Variants in MNAT1 observed in about 807,000 individuals in gnomAD.
The protein encoded by MNAT1 is CDK-activating kinase assembly factor MAT1.
A neutral mutation model predicts 42.0 loss-of-function variants in MNAT1; 43 were observed. That is an observed-to-expected ratio of 1.02 (90% CI 0.80 to 1.32). The LOEUF is 1.32. Ranked by LOEUF, MNAT1 falls within the 40% of genes most tolerant of loss-of-function variation. The pLI is 0.00. For synonymous variants in MNAT1, 118 were observed against 120.0 expected (o/e 0.98, Z 0.11); for missense variants, 306 against 350.4 (o/e 0.87, Z 1.01).
chr14:60,798,095 A>G lies in MNAT1; in HGVS notation c.251A>G (p.Lys84Arg). ...TTTTTCTTTTCTTAAAGATACAATA[A>G]AAGGGAAGAAGATTTTCCTAGTCTA... ...IRKKVLKIYN[K>R]REEDFPSLRE... Residue 84 changes from lysine to arginine, a missense_variant, in exon 3 of 8, where the codon AAA becomes AGA. By Grantham distance (26) the Lys-to-Arg change is conservative. Around this residue, in one of 3 missense-constraint regions of MNAT1, gnomAD observed 72 missense variants for 111.0 expected, o/e 0.65. Transcript: ENST00000261245. 1.4e-6 allele frequency: 2 copies of G among 1,417,890 alleles called. No individual in the cohort carries two copies. The highest frequency in any genetic ancestry group is 2.3e-5 in the South Asian group (2 of 85,468). 87.8% of individuals were successfully genotyped at this position (1,417,890 alleles called of 1,614,324 possible).
intron 6 of MNAT1, among the ~76,000 whole-genome samples, chr14:60,822,987 G>A (rs1268141197): frequency 2.0e-5 from 3 of 152,112 alleles, no homozygotes; most frequent in Non-Finnish European, 2.9e-5. Flanking sequence ...GAACTCCTGA[G>A]CTCAAGCCAC....
intron 5 of MNAT1, among the ~76,000 whole-genome samples, chr14:60,818,218 T>G (rs2032774422): frequency 6.6e-6 from 1 of 152,050 alleles, no homozygotes; most frequent in Admixed American, 6.5e-5. Context: ...ACTTAAATTT[T>G]AAAAGTAAGT....
Position 60,968,365 on chromosome 14 carries a change from G to C in MNAT1, c.*16G>C. ...GCCCAGTTAACCATTTATAAGATTT[G>C]GACCTTGGAGCTGAACCAGGGAGCT... is the stretch of plus-strand genomic sequence containing the variant. On this transcript the variant is annotated 3_prime_UTR_variant, in exon 8 of 8. Coordinates refer to ENST00000261245, the MANE Select transcript of MNAT1 (RefSeq NM_002431.4). 6.2e-7 allele frequency: 1 copy of C among 1,605,270 alleles called. No homozygotes were observed. The highest frequency in any genetic ancestry group is 8.5e-7 in the Non-Finnish European group (1 of 1,177,324).
rs1438588804 is a variant in MNAT1 at position 60,794,652 on chromosome 14, A to ATAT, written c.90-1565_90-1564insTAT. Among the ~76,000 whole-genome samples the ATAT allele has an allele frequency of 6.2e-5, 6 of 97,216 alleles. No homozygotes were observed. The South Asian group carries it at 1.6e-3, about 26-fold the overall frequency. The allele number at this position is 97,216 out of a possible 152,430, so 63.8% of individuals were successfully genotyped here. A position where few individuals can be genotyped will look rare whatever the true frequency, so the allele number is the denominator to read the frequency against. On this transcript the variant is annotated intron_variant, in intron 1 of 7. Coordinates refer to ENST00000261245, the MANE Select transcript of MNAT1 (RefSeq NM_002431.4). ...CTGCATTCTCAAAAAAAAAAAAAAAAAAAAAAAAATATATATATATATATA... is the reference window on the plus strand; with the variant it reads ...CTGCATTCTCAAAAAAAAAAAAAAAATATAAAAAAAAATATATATATATATATA...
chr14:60,865,541 T>C (rs1377782972), intron 6 of MNAT1, among the ~76,000 whole-genome samples: 3 of 152,118 alleles, frequency 2.0e-5, no homozygotes, highest in African/African-American at 7.2e-5. Context: ...TGTTTTTCTT[T>C]TCTGATCTTT....
At chr14:60,918,826 A>C (rs2035590407) in intron 7 of MNAT1, among the ~76,000 whole-genome samples, 1 of 151,062 alleles carries the variant, frequency 6.6e-6, no homozygotes, top group African/African-American at 2.4e-5. Flanking sequence ...GAAGTGATGA[A>C]AATGTTCTGA....
At chr14:60,923,376 C>A (rs1468090067) in intron 7 of MNAT1, among the ~76,000 whole-genome samples, 1 of 152,104 alleles carries the variant, frequency 6.6e-6, no homozygotes, top group East Asian at 1.9e-4. Context: ...TCGTTAATAG[C>A]CTTCTAGACC....
intron 1 of MNAT1, among the ~76,000 whole-genome samples, chr14:60,756,049 C>T (rs1377965505): frequency 2.0e-5 from 3 of 152,168 alleles, no homozygotes; most frequent in East Asian, 1.9e-4. Context: ...GCTTCTGAAA[C>T]GTAAATACTT....
chr14:60,862,526 A>C (rs1406584829), intron 6 of MNAT1, among the ~76,000 whole-genome samples: 2 of 152,332 alleles, frequency 1.3e-5, no homozygotes, highest in East Asian at 3.9e-4. Flanking sequence ...GAACAGGTTC[A>C]ACTTGTCCGT....
intron 7 of MNAT1, among the ~76,000 whole-genome samples, chr14:60,885,070 C>G (rs2034633744): frequency 6.6e-6 from 1 of 151,764 alleles, no homozygotes; most frequent in Non-Finnish European, 1.5e-5. Flanking sequence ...GACCTCCATT[C>G]TATGTTATTT....
intron 7 of MNAT1, among the ~76,000 whole-genome samples, chr14:60,908,596 G>A (rs948262098): frequency 2.0e-5 from 3 of 151,936 alleles, no homozygotes; most frequent in Non-Finnish European, 4.4e-5. Flanking sequence ...CCTTGCGATA[G>A]TTTGCTGAGA....
intron 6 of MNAT1, among the ~76,000 whole-genome samples, chr14:60,874,990 G>GT (rs571023857): frequency 3.9e-4 from 60 of 152,168 alleles, no homozygotes; most frequent in Middle Eastern, 3.4e-3. Flanking sequence ...TATCTCATGA[G>GT]TTTTTTCCGA....
intron 6 of MNAT1, among the ~76,000 whole-genome samples, chr14:60,876,177 T>A (rs1478930303): frequency 6.6e-6 from 1 of 152,110 alleles, no homozygotes; most frequent in African/African-American, 2.4e-5. Context: ...CACTGTCTTC[T>A]TAACCTATGC....
intron 1 of MNAT1, among the ~76,000 whole-genome samples, chr14:60,781,487 T>C (rs1016343883): frequency 4.6e-5 from 7 of 152,146 alleles, no homozygotes; most frequent in African/African-American, 1.7e-4. Flanking sequence ...TTAAAATTGT[T>C]GTTTTTAGAG....
intron 3 of MNAT1, among the ~76,000 whole-genome samples, chr14:60,800,628 A>G (rs575915517): frequency 6.6e-6 from 1 of 152,274 alleles, no homozygotes; most frequent in Non-Finnish European, 1.5e-5. Flanking sequence ...AAAATCTAGA[A>G]TTTGCTCTAT....
intron 6 of MNAT1, among the ~76,000 whole-genome samples, chr14:60,832,247 T>C (rs1029919313): frequency 6.6e-6 from 1 of 152,242 alleles, no homozygotes; most frequent in African/African-American, 2.4e-5. Context: ...CATGAAGTCT[T>C]TGCCCATGCC....
At chr14:60,943,049 T>A (rs866558620) in intron 7 of MNAT1, among the ~76,000 whole-genome samples, 3 of 68,350 alleles carry the variant, frequency 4.4e-5, no homozygotes, top group South Asian at 4.5e-4. Context: ...TGTGTGTGTG[T>A]GCGCTTTTTT....
chr14:60,838,660 G>A (rs886235043), intron 6 of MNAT1, among the ~76,000 whole-genome samples: 2 of 152,080 alleles, frequency 1.3e-5, no homozygotes, highest in African/African-American at 4.8e-5. Flanking sequence ...TGGGAGTCCC[G>A]CCCCATTCTG....
intron 6 of MNAT1, among the ~76,000 whole-genome samples, chr14:60,828,606 G>GATTT (rs2033126348): frequency 6.6e-6 from 1 of 151,804 alleles, no homozygotes; most frequent in African/African-American, 2.4e-5. Context: ...ACACCAATAG[G>GATTT]ATTTCCTACA....
Sources: gnomAD v4.1 joint callset for allele counts (sites outside exome capture counted in the v4.1 genomes callset) on GRCh38, gnomAD v4.1.1 for gene constraint, gnomAD v4.1.1 regional missense constraint, MANE v1.5 for transcripts, NCBI Gene and HGNC (gene_info 2026-07-23, HGNC 2026-07-21) for gene names.